ARSB: variants seen among roughly 807,000 people sequenced by gnomAD.
ARSB encodes arylsulfatase B.
ARSB carries 41 observed loss-of-function variants against 50.9 expected under a neutral mutation model. That is an observed-to-expected ratio of 0.81 (90% CI 0.63 to 1.04). ARSB has a LOEUF of 1.04. Among genes scored for constraint, ARSB ranks in the 50% least tolerant of loss-of-function variants. The pLI is 0.00. For missense variants in ARSB, 672 were observed against 693.3 expected, an observed-to-expected ratio of 0.97 and a Z score of 0.35; for synonymous variants, 269 against 284.8, an observed-to-expected ratio of 0.94 and a Z score of 0.56.
intron 5 of ARSB, among the ~76,000 whole-genome samples, chr5:78,865,660 T>C (rs1461114932): frequency 1.3e-5 from 2 of 152,190 alleles, no homozygotes; most frequent in African/African-American, 4.8e-5. Context: ...TGCAAATTAT[T>C]CAAACTTTTA....
At chr5:78,850,802 C>T (rs1745732544) in intron 5 of ARSB, among the ~76,000 whole-genome samples, 2 of 152,126 alleles carry the variant, frequency 1.3e-5, no homozygotes, top group South Asian at 4.2e-4. Flanking sequence ...GTGTACGTAT[C>T]CAGTAATTTA....
Position 78,886,768 on chromosome 5 carries a change from T to A in ARSB, c.899-941A>T, listed in dbSNP as rs531143857. Among the ~76,000 whole-genome samples the A allele has an allele frequency of 9.6e-4, 143 of 149,084 alleles. 1 individual carries two copies. The Middle Eastern group carries it at 0.01, about 11-fold the overall frequency. ...ATAACACATATTTTGCATTAAACTTTAAAAAAAAAACCCACTATTACCCAA... is the reference window on the plus strand; with the variant it reads ...ATAACACATATTTTGCATTAAACTTAAAAAAAAAAACCCACTATTACCCAA... On this transcript the variant is annotated intron_variant, in intron 4 of 7. Transcript: ENST00000264914.
intron 6 of ARSB, among the ~76,000 whole-genome samples, chr5:78,787,438 G>A (rs74722166): frequency 0.097 from 14,783 of 152,212 alleles, 773 homozygotes; most frequent in Middle Eastern, 0.2. Context: ...AGGAGGCAGA[G>A]GTTTCTTAGA....
intron 6 of ARSB, among the ~76,000 whole-genome samples, chr5:78,787,798 C>T (rs927688092): frequency 1.1e-4 from 16 of 152,120 alleles, no homozygotes; most frequent in South Asian, 2.1e-4. Flanking sequence ...TCAAGGTAGA[C>T]GGCTCCACAA....
chr5:78,839,329 A>G (rs755889067), intron 6 of ARSB, 27 bp downstream of exon 6: 3 of 1,604,366 alleles, frequency 1.9e-6, no homozygotes, highest in African/African-American at 2.7e-5. Flanking sequence ...ATTAGATTTA[A>G]TCTAGTAGCA....
At position 78,985,134 on chromosome 5, in the gene ARSB, C is replaced by T; in HGVS notation, c.115G>A (p.Ala39Thr). 7 of 1,463,206 alleles carry T rather than the reference C, an allele frequency of 4.8e-6. No homozygotes were observed. The highest frequency in any genetic ancestry group is 6.3e-6 in the Non-Finnish European group (7 of 1,106,506). 90.6% of individuals were successfully genotyped at this position (1,463,206 alleles called of 1,614,324 possible). A position where few individuals can be genotyped will look rare whatever the true frequency, so the allele number is the denominator to read the frequency against. The change falls in exon 1 of 8, where the codon GCC (alanine) becomes ACC (threonine). Residue 39 changes from alanine (A) to threonine (T), a missense_variant. By Grantham distance (58) the Ala-to-Thr change is moderately conservative. Coordinates refer to ENST00000264914, the MANE Select transcript of ARSB (RefSeq NM_000046.5). ...LLLLAPPGSG[A>T]GASRPPHLVF... is the part of the protein sequence containing the mutation. ...AGGTGGGGCGGCCGGCTGGCCCCGG[C>T]GCCCGAGCCCGGCGGCGCCAACAAC...
chr5:78,925,511 C>G (rs1750002330), intron 4 of ARSB, among the ~76,000 whole-genome samples: 1 of 151,736 alleles, frequency 6.6e-6, no homozygotes, highest in Non-Finnish European at 1.5e-5. Flanking sequence ...AAAGAAGTAG[C>G]AAGATTGAGA....
intron 6 of ARSB, among the ~76,000 whole-genome samples, chr5:78,799,836 T>C (rs1040645883): frequency 6.6e-6 from 1 of 152,136 alleles, no homozygotes; most frequent in Admixed American, 6.5e-5. Context: ...CTGGCTCTCA[T>C]AGGGTTTGGC....
Position 78,861,307 on chromosome 5 carries a change from A to C in ARSB, c.1143-21881T>G, listed in dbSNP as rs547753489. ...TACCAAAGCCTGGCAGAGACACAAC[A>C]AAAAAAGAGAATTTTAGACCAATAT... is the stretch of plus-strand genomic sequence containing the variant. On this transcript the variant is annotated intron_variant, in intron 5 of 7. Transcript: ENST00000264914. Among the ~76,000 whole-genome samples, 1,282 of 152,178 alleles carry C rather than the reference A, an allele frequency of 8.4e-3. 10 individuals are homozygous for C. The highest frequency in any genetic ancestry group is 0.015 in the Admixed American group (227 of 15,286).
intron 6 of ARSB, among the ~76,000 whole-genome samples, chr5:78,809,388 T>C (rs1743712510): frequency 6.6e-6 from 1 of 152,182 alleles, no homozygotes; most frequent in African/African-American, 2.4e-5. Context: ...CGGCAGCACA[T>C]TGGTGGTGTA....
chr5:78,944,758 T>C (rs1751133329), intron 4 of ARSB, among the ~76,000 whole-genome samples: 1 of 152,218 alleles, frequency 6.6e-6, no homozygotes, highest in South Asian at 2.1e-4. Context: ...CTGTCCGTTC[T>C]CAGATCTCAA....
At chr5:78,824,197 C>T (rs1439791602) in intron 6 of ARSB, among the ~76,000 whole-genome samples, 6 of 152,138 alleles carry the variant, frequency 3.9e-5, no homozygotes, top group South Asian at 2.1e-4. Context: ...GAATCATGAG[C>T]GAAATAAACC....
chr5:78,811,924 C>A (rs1743820821), intron 6 of ARSB, among the ~76,000 whole-genome samples: 1 of 151,188 alleles, frequency 6.6e-6, no homozygotes, highest in Non-Finnish European at 1.5e-5. Context: ...ATTCACATTT[C>A]ATCCATACAT....
chr5:78,931,611 A>G (rs1300628486), intron 4 of ARSB, among the ~76,000 whole-genome samples: 1 of 152,104 alleles, frequency 6.6e-6, no homozygotes, highest in Non-Finnish European at 1.5e-5. Context: ...TTCTGGGTAG[A>G]ATGCAAGCTA....
intron 4 of ARSB, among the ~76,000 whole-genome samples, chr5:78,909,177 T>C (rs1281957842): frequency 2.0e-5 from 3 of 152,234 alleles, no homozygotes; most frequent in African/African-American, 7.2e-5. Context: ...CTTAGGACCA[T>C]GTGCCCTTAT....
At chr5:78,829,602 C>A (rs572197660) in intron 6 of ARSB, among the ~76,000 whole-genome samples, 1 of 152,190 alleles carries the variant, frequency 6.6e-6, no homozygotes, top group Non-Finnish European at 1.5e-5. Flanking sequence ...TAACAGACTT[C>A]AGTCTATAAA....
At chr5:78,828,717 C>T (rs754476566) in intron 6 of ARSB, among the ~76,000 whole-genome samples, 1 of 152,124 alleles carries the variant, frequency 6.6e-6, no homozygotes, top group Non-Finnish European at 1.5e-5. Context: ...GGCAACACAG[C>T]AGGTATTTGT....
chr5:78,909,771 C>A (rs992231429), intron 4 of ARSB, among the ~76,000 whole-genome samples: 18 of 152,130 alleles, frequency 1.2e-4, no homozygotes, highest in Non-Finnish European at 2.2e-4. Flanking sequence ...ACCATCCCCC[C>A]AGCCCGAGAC....
chr5:78,931,646 G>A (rs927904333), intron 4 of ARSB, among the ~76,000 whole-genome samples: 1 of 149,736 alleles, frequency 6.7e-6, no homozygotes, highest in African/African-American at 2.5e-5. Context: ...ATTTTGTAGA[G>A]AGTCATGTTT....
Sources: gnomAD v4.1 joint callset for allele counts (sites outside exome capture counted in the v4.1 genomes callset) on GRCh38, gnomAD v4.1.1 for gene constraint, MANE v1.5 for transcripts, NCBI Gene and HGNC (gene_info 2026-07-23, HGNC 2026-07-21) for gene names.